The following NKAIN2 variants were observed in gnomAD, a reference collection of about 807,000 sequenced individuals.
The protein encoded by NKAIN2 is sodium/potassium transporting ATPase interacting 2, also known as sodium/potassium-transporting ATPase subunit beta-1-interacting protein 2.
A neutral mutation model predicts 32.6 loss-of-function variants in NKAIN2; 14 were observed. The observed-to-expected ratio is 0.43, with a 90% CI of 0.28 to 0.67. The LOEUF is 0.67. NKAIN2 is among the 30% of genes least tolerant of loss of function. The pLI, the probability that NKAIN2 is intolerant of heterozygous loss-of-function variation, is 0.17. For synonymous variants in NKAIN2, 80 were observed against 87.2 expected (o/e 0.92, Z 0.46); for missense variants, 198 against 258.3 (o/e 0.77, Z 1.60).
In NKAIN2 at chr6:123,872,030, TC is replaced by T. The variant is rs1310485567; in HGVS notation, c.54+67777del. On this transcript the variant is annotated intron_variant, in intron 1 of 6. Transcript: ENST00000368417. ...CAATTTTGACATCCTTTTAAGCTGA[TC>T]ATTTTATTCCTCACTGCTTACCCAG... is the stretch of plus-strand genomic sequence containing the variant. Among the ~76,000 whole-genome samples the T allele has an allele frequency of 9.2e-5, 14 of 152,326 alleles. No homozygotes were observed. In the East Asian group the frequency reaches 2.5e-3, roughly 27 times the overall value.
rs560192126 is a variant in NKAIN2 at position 124,581,211 on chromosome 6, G to A, written c.274-76975G>A. ...TCCCAGCACTTTGGGAGGCCGAGGCGGGTGGATCATGAGGTCACGAGATCG... is the reference window on the plus strand; with the variant it reads ...TCCCAGCACTTTGGGAGGCCGAGGCAGGTGGATCATGAGGTCACGAGATCG... On this transcript the variant is annotated intron_variant, in intron 3 of 6. Coordinates refer to ENST00000368417, the MANE Select transcript of NKAIN2 (RefSeq NM_001040214.3). Among the ~76,000 whole-genome samples the A allele has an allele frequency of 1.5e-4, 23 of 151,814 alleles. No homozygotes were observed. In the South Asian group the frequency reaches 2.5e-3, roughly 17 times the overall value.
At chr6:123,898,514 G>A (rs752406749) in intron 1 of NKAIN2, among the ~76,000 whole-genome samples, 4 of 150,046 alleles carry the variant, frequency 2.7e-5, no homozygotes, top group South Asian at 2.1e-4. Context: ...TTGTTTGGGT[G>A]CAAAATGTCC....
At chr6:124,049,854 T>G (rs1323592276) in intron 1 of NKAIN2, among the ~76,000 whole-genome samples, 3 of 151,998 alleles carry the variant, frequency 2.0e-5, no homozygotes, top group African/African-American at 7.2e-5. Flanking sequence ...TGACTTATAA[T>G]GGCCCCAGAG....
rs564142239 is a variant in NKAIN2 at position 123,940,828 on chromosome 6, T to C, written c.54+136574T>C. Reference sequence around the variant, plus strand: ...TTTTATAAACACTGTACACTTAGGCTGCACTAAATTTATTTAAAAAATTTT... The same window carrying C: ...TTTTATAAACACTGTACACTTAGGCCGCACTAAATTTATTTAAAAAATTTT... On this transcript the variant is annotated intron_variant, in intron 1 of 6. Coordinates refer to ENST00000368417, the MANE Select transcript of NKAIN2 (RefSeq NM_001040214.3). Among the ~76,000 whole-genome samples the C allele has an allele frequency of 4.6e-5, 7 of 152,094 alleles. No individual in the cohort carries two copies. In the South Asian group the frequency reaches 1.2e-3, roughly 27 times the overall value.
intron 1 of NKAIN2, among the ~76,000 whole-genome samples, chr6:124,164,746 A>AG (rs1788452482): frequency 2.0e-5 from 3 of 151,500 alleles, no homozygotes; most frequent in Non-Finnish European, 4.4e-5. Flanking sequence ...ATTACAAAAA[A>AG]TATTCATGGA....
At chr6:124,690,200 G>T (rs1032285805) in intron 4 of NKAIN2, among the ~76,000 whole-genome samples, 2 of 151,774 alleles carry the variant, frequency 1.3e-5, no homozygotes, top group Admixed American at 6.6e-5. Context: ...TTTCATTTTT[G>T]TGGTGCCAAT....
rs1781404079 is a variant in NKAIN2 at position 124,578,307 on chromosome 6, GA to G, written c.274-79878del. 5.9e-5 allele frequency among the ~76,000 whole-genome samples: 9 copies of G among 151,686 alleles called. No individual in the cohort carries two copies. The South Asian group carries it at 1.9e-3, about 32-fold the overall frequency. On this transcript the variant is annotated intron_variant, in intron 3 of 6. Coordinates refer to ENST00000368417, the MANE Select transcript of NKAIN2 (RefSeq NM_001040214.3). ...CCTTAGCTCTTGGAAAGAATTTCTG[GA>G]CCTGCTCTGCTCTGGGTCAGAGAGC...
At chr6:124,058,797 A>T (rs1782785929) in intron 1 of NKAIN2, among the ~76,000 whole-genome samples, 1 of 152,128 alleles carries the variant, frequency 6.6e-6, no homozygotes, top group Non-Finnish European at 1.5e-5. Context: ...TAAATAAGTT[A>T]TGTCAGAACA....
chr6:123,976,360 TATATATA>T (rs1562287658), intron 1 of NKAIN2, among the ~76,000 whole-genome samples: 2,116 of 29,676 alleles, frequency 0.071, 538 homozygotes, highest in East Asian at 0.12. Context: ...TATATATATA[TATATATA>T]TTCCCATATA....
chr6:124,711,392 T>G (rs1468138713), intron 4 of NKAIN2, among the ~76,000 whole-genome samples: 3 of 132,616 alleles, frequency 2.3e-5, no homozygotes, highest in African/African-American at 8.8e-5. Flanking sequence ...GAAGTTCTCC[T>G]GGATAATATC....
intron 1 of NKAIN2, among the ~76,000 whole-genome samples, chr6:124,241,238 A>G (rs1436315311): frequency 6.6e-6 from 1 of 152,224 alleles, no homozygotes; most frequent in Non-Finnish European, 1.5e-5. Flanking sequence ...CAAGGAAATA[A>G]GAGAGGATAC....
intron 3 of NKAIN2, among the ~76,000 whole-genome samples, chr6:124,441,990 G>T (rs898180640): frequency 3.9e-5 from 6 of 151,992 alleles, no homozygotes; most frequent in African/African-American, 1.4e-4. Flanking sequence ...CATAAGACTA[G>T]CACTTGGGCT....
Position 124,072,439 on chromosome 6 carries a change from C to T in NKAIN2, c.55-210566C>T, listed in dbSNP as rs186465594. 7.7e-4 allele frequency among the ~76,000 whole-genome samples: 117 copies of T among 152,000 alleles called. 1 individual carries two copies. The highest frequency in any genetic ancestry group is 6.8e-3 in the Middle Eastern group (2 of 294). ...AACATACCTGTGTAACAAACCTGCA[C>T]GTGTACCCCCTGAATCTAAAAGAGA... On this transcript the variant is annotated intron_variant, in intron 1 of 6. Coordinates refer to ENST00000368417, the MANE Select transcript of NKAIN2 (RefSeq NM_001040214.3).
intron 4 of NKAIN2, among the ~76,000 whole-genome samples, chr6:124,694,725 G>A (rs139514154): frequency 2.0e-5 from 3 of 152,298 alleles, no homozygotes; most frequent in African/African-American, 2.4e-5. Context: ...TGCTAGAAAC[G>A]TGTAGCTGGA....
chr6:124,302,328 A>G (rs186671851), intron 2 of NKAIN2, among the ~76,000 whole-genome samples: 1 of 152,350 alleles, frequency 6.6e-6, no homozygotes, highest in East Asian at 1.9e-4. Context: ...AGAACAGACT[A>G]ATAGAGTAAT....
chr6:124,504,739 G>C (rs1485431013), intron 3 of NKAIN2, among the ~76,000 whole-genome samples: 1 of 152,182 alleles, frequency 6.6e-6, no homozygotes, highest in Non-Finnish European at 1.5e-5. Context: ...GTATGTATTA[G>C]ATCTTTTATA....
intron 2 of NKAIN2, among the ~76,000 whole-genome samples, chr6:124,354,854 A>C (rs1484837654): frequency 6.6e-6 from 1 of 151,500 alleles, no homozygotes; most frequent in Non-Finnish European, 1.5e-5. Context: ...GAAAAAAAAA[A>C]AAAAAAAACT....
intron 3 of NKAIN2, among the ~76,000 whole-genome samples, chr6:124,403,750 A>G (rs1016290055): frequency 6.6e-6 from 1 of 152,188 alleles, no homozygotes; most frequent in Non-Finnish European, 1.5e-5. Flanking sequence ...TCCATGCCAT[A>G]TACATTCTTC....
At chr6:124,687,764 A>ACACACACACG (rs1213560875) in intron 4 of NKAIN2, among the ~76,000 whole-genome samples, 1 of 144,402 alleles carries the variant, frequency 6.9e-6, no homozygotes, top group East Asian at 2.0e-4. Flanking sequence ...ACACACACAC[A>ACACACACACG]CACACACACA....
Sources: allele counts gnomAD v4.1 joint callset (sites outside exome capture counted in the v4.1 genomes callset), GRCh38; gene constraint gnomAD v4.1.1; transcripts MANE v1.5; gene names NCBI Gene and HGNC (gene_info 2026-07-23, HGNC 2026-07-21).